The following CMBL variants were observed in gnomAD, a reference collection of about 807,000 sequenced individuals.
The protein encoded by CMBL is carboxymethylenebutenolidase homolog (Pseudomonas).
Under a neutral mutation model 28.7 loss-of-function variants are expected in CMBL, and 17 were observed. That is an observed-to-expected ratio of 0.59 (90% CI 0.41 to 0.89). The LOEUF (loss-of-function observed/expected upper bound fraction) is 0.89. Among genes scored for constraint, CMBL ranks in the 40% least tolerant of loss-of-function variants. The pLI is 0.00. For missense variants in CMBL, 310 were observed against 298.5 expected (o/e 1.04, Z -0.28); for synonymous variants, 106 against 101.6 (o/e 1.04, Z -0.26).
At chr5:10,297,152 T>G (rs1746823309) in intron 1 of CMBL, among the ~76,000 whole-genome samples, 1 of 147,052 alleles carries the variant, frequency 6.8e-6, no homozygotes, top group African/African-American at 2.5e-5. Context: ...GCCATTGCAC[T>G]GCAGCCTAGG....
rs1007604714 is a variant in CMBL, at chr5:10,289,884, G to A, written c.215+664C>T. 6.6e-5 allele frequency among the ~76,000 whole-genome samples: 10 copies of A among 152,170 alleles called. No homozygotes were observed. Among genetic ancestry groups the A allele is most frequent in the South Asian group, 2.1e-4 (1 of 4,836 alleles). Reference sequence around the variant, plus strand: ...CTGTGAAAACAAAGGAAATCCAGCCGTGCACCATCCTCAGGGCTCACTGGG... The same window carrying A: ...CTGTGAAAACAAAGGAAATCCAGCCATGCACCATCCTCAGGGCTCACTGGG... On this transcript the variant is annotated intron_variant, in intron 2 of 5. Coordinates refer to ENST00000296658, the MANE Select transcript of CMBL (RefSeq NM_138809.4). The surrounding 1 kb of genome is among the most constrained non-coding windows in gnomAD (Gnocchi z 4.3).
At chr5:10,302,406 A>G (rs1338592789) in intron 1 of CMBL, among the ~76,000 whole-genome samples, 2 of 151,830 alleles carry the variant, frequency 1.3e-5, no homozygotes, top group Non-Finnish European at 2.9e-5. Context: ...GCACATTGGA[A>G]GGCCAAGGCT....
At chr5:10,292,148 C>A (rs916749203) in intron 1 of CMBL, 1 of 152,134 alleles carries the variant, frequency 6.6e-6, no homozygotes, top group African/African-American at 2.4e-5. Flanking sequence ...TCAGGCCTGC[C>A]TAAATTTAAA....
rs190495482 is a variant in CMBL, at chr5:10,289,922, G to A, written c.215+626C>T. Among the ~76,000 whole-genome samples, 104 of 152,286 alleles carry A rather than the reference G, an allele frequency of 6.8e-4. 2 individuals carry two copies. In the East Asian group the frequency reaches 0.016, roughly 24 times the overall value. ...AGGGCTCACTGGGTTGATGCTTTCC[G>A]ACGCTGGAGAGGAAGGAAGGTTCTG... On this transcript the variant is annotated intron_variant, in intron 2 of 5. Transcript: ENST00000296658. This position sits in a 1 kb window ranked among gnomAD's most constrained non-coding sequence, Gnocchi z 4.3.
chr5:10,287,594 T>A (rs570663416), intron 3 of CMBL, among the ~76,000 whole-genome samples: 1 of 152,332 alleles, frequency 6.6e-6, no homozygotes, highest in Admixed American at 6.5e-5. Context: ...ATGGTGCTCA[T>A]AAAAATATTG....
Position 10,289,931 on chromosome 5 carries a change from GAGGA to G in CMBL, c.215+613_215+616del, listed in dbSNP as rs1216121416. 6.6e-6 allele frequency among the ~76,000 whole-genome samples: 1 copy of G among 152,242 alleles called. No homozygotes were observed. Among genetic ancestry groups the G allele is most frequent in the Non-Finnish European group, 1.5e-5 (1 of 68,040 alleles). On this transcript the variant is annotated intron_variant, in intron 2 of 5. Transcript: ENST00000296658. The surrounding 1 kb of genome is among the most constrained non-coding windows in gnomAD (Gnocchi z 4.3). Reference sequence around the variant, plus strand: ...TGGGTTGATGCTTTCCGACGCTGGAGAGGAAGGAAGGTTCTGGCCCTCCTCTGCG... The same window carrying G: ...TGGGTTGATGCTTTCCGACGCTGGAGAGGAAGGTTCTGGCCCTCCTCTGCG...
chr5:10,288,006 C>T (rs966352634), intron 3 of CMBL, among the ~76,000 whole-genome samples: 3 of 146,962 alleles, frequency 2.0e-5, no homozygotes, highest in South Asian at 2.4e-4. Flanking sequence ...GCTGGGATTA[C>T]GGGTGTGAGC....
intron 1 of CMBL, among the ~76,000 whole-genome samples, chr5:10,291,556 G>T (rs978636109): frequency 2.6e-5 from 4 of 151,876 alleles, no homozygotes; most frequent in Admixed American, 6.6e-5. Context: ...AGCTACTCGG[G>T]AGGCTGAGGC....
intron 1 of CMBL, among the ~76,000 whole-genome samples, chr5:10,298,192 G>A (rs973982571): frequency 3.3e-5 from 5 of 152,216 alleles, no homozygotes; most frequent in Admixed American, 6.5e-5. Flanking sequence ...AGCTACCCAG[G>A]TAAGAAAACA....
chr5:10,300,685 C>T (rs757173585), intron 1 of CMBL, among the ~76,000 whole-genome samples: 1 of 151,748 alleles, frequency 6.6e-6, no homozygotes, highest in Non-Finnish European at 1.5e-5. Flanking sequence ...ACCTGTAGTC[C>T]CAGCTACTCA....
rs559301385 is a variant in CMBL at position 10,286,805 on chromosome 5, C to T, written c.324-309G>A. On this transcript the variant is annotated intron_variant, in intron 3 of 5. Transcript: ENST00000296658. ...GTCTTCCACAGCCTGGGGATGAAGG[C>T]CACAGCCCACAGCACGGTTCGTAAG... Among the ~76,000 whole-genome samples the T allele has an allele frequency of 1.5e-4, 23 of 152,320 alleles. No homozygotes were observed. In the South Asian group the frequency reaches 4.8e-3, roughly 32 times the overall value.
chr5:10,295,296 C>T (rs1015978279), intron 1 of CMBL, among the ~76,000 whole-genome samples: 3 of 152,168 alleles, frequency 2.0e-5, no homozygotes, highest in African/African-American at 7.2e-5. Context: ...GTTGGCCAGG[C>T]TGGTCTCAAA....
intron 1 of CMBL, among the ~76,000 whole-genome samples, chr5:10,301,355 T>C (rs938783954): frequency 6.6e-6 from 1 of 152,314 alleles, no homozygotes; most frequent in East Asian, 1.9e-4. Context: ...TTGGTTTTCA[T>C]AAGCTACATT....
At chr5:10,285,696 TTTTC>T (rs1351608859) in intron 4 of CMBL, among the ~76,000 whole-genome samples, 1 of 61,454 alleles carries the variant, frequency 1.6e-5, no homozygotes, top group Non-Finnish European at 4.5e-5. Flanking sequence ...TTCTCTTTCT[TTTTC>T]TTTTTTTTTT....
rs755532552 is a variant in CMBL at position 10,290,764 on chromosome 5, G to A, written c.-2C>T. The stretch of plus-strand genomic sequence containing the variant: ...ACAAGGATAAGCTTCGTTAGCCATT[G>A]CAGAGATTTAAGTCGGGCTATGGAG... On this transcript the variant is annotated 5_prime_UTR_variant, in exon 2 of 6. Coordinates refer to ENST00000296658, the MANE Select transcript of CMBL (RefSeq NM_138809.4). 6.2e-7 allele frequency: 1 copy of A among 1,613,544 alleles called. No homozygotes were observed. The highest frequency in any genetic ancestry group is 2.2e-5 in the East Asian group (1 of 44,866).
intron 2 of CMBL, chr5:10,290,279 C>A: frequency 8.8e-6 from 4 of 453,810 alleles, no homozygotes; most frequent in Admixed American, 3.7e-5. Flanking sequence ...AGGCCCCACA[C>A]GGGAAAAGAA....
intron 1 of CMBL, among the ~76,000 whole-genome samples, chr5:10,296,408 G>A (rs1746810421): frequency 6.6e-6 from 1 of 152,124 alleles, no homozygotes; most frequent in African/African-American, 2.4e-5. Flanking sequence ...AGCCTCCCAA[G>A]TAGCTGGTAC....
At chr5:10,282,839 C>A (rs149372410) in intron 4 of CMBL, among the ~76,000 whole-genome samples, 8,946 of 152,052 alleles carry the variant, frequency 0.059, 354 homozygotes, top group South Asian at 0.12. Flanking sequence ...AGCCTGTAAT[C>A]CCAGCACTTT....
At chr5:10,305,947 T>C (rs747223013) in intron 1 of CMBL, among the ~76,000 whole-genome samples, 4 of 152,166 alleles carry the variant, frequency 2.6e-5, no homozygotes, top group Non-Finnish European at 4.4e-5. Flanking sequence ...ACTCCTTTAC[T>C]CCGTATACAT....
Sources: gnomAD v4.1 joint callset for allele counts (sites outside exome capture counted in the v4.1 genomes callset) on GRCh38, gnomAD v4.1.1 for gene constraint, Gnocchi (gnomAD v3.1) non-coding constraint, MANE v1.5 for transcripts, NCBI Gene and HGNC (gene_info 2026-07-23, HGNC 2026-07-21) for gene names.